Variants in CTNNA2 observed in about 807,000 individuals in gnomAD.
CTNNA2 encodes the protein catenin alpha-2.
CTNNA2 carries 42 observed loss-of-function variants against 101.0 expected under a neutral mutation model. The observed-to-expected ratio is 0.42, with a 90% CI of 0.32 to 0.54. CTNNA2 has a LOEUF of 0.54. CTNNA2 is among the 20% of genes least tolerant of loss of function. The pLI, the probability that CTNNA2 is intolerant of heterozygous loss-of-function variation, is 0.14. For synonymous variants in CTNNA2, 450 were observed against 456.4 expected (o/e 0.99, Z 0.18); for missense variants, 871 against 1,223.1 (o/e 0.71, Z 4.29).
intron 2 of CTNNA2, among the ~76,000 whole-genome samples, chr2:79,208,573 T>TGG (rs1158660906): frequency 2.6e-5 from 4 of 152,200 alleles, no homozygotes; most frequent in African/African-American, 9.6e-5. Flanking sequence ...ACTGGCTGTG[T>TGG]GACTTGAGGT....
At chr2:79,759,277 C>T (rs1278512938) in intron 3 of CTNNA2, among the ~76,000 whole-genome samples, 1 of 152,086 alleles carries the variant, frequency 6.6e-6, no homozygotes, top group African/African-American at 2.4e-5. Flanking sequence ...TCTGTAATCC[C>T]AGCTACTAGA....
intron 4 of CTNNA2, among the ~76,000 whole-genome samples, chr2:79,493,290 G>A (rs1186853618): frequency 6.6e-6 from 1 of 152,108 alleles, no homozygotes; most frequent in Admixed American, 6.6e-5. Flanking sequence ...GATTGAAAAG[G>A]AGACAGTGAA....
chr2:79,354,877 T>G (rs1223242777), intron 3 of CTNNA2, among the ~76,000 whole-genome samples: 1 of 152,198 alleles, frequency 6.6e-6, no homozygotes, highest in Non-Finnish European at 1.5e-5. Flanking sequence ...TCTCTTGATT[T>G]AGAGTGTTTT....
At chr2:79,207,190 C>A (rs923643456) in intron 2 of CTNNA2, among the ~76,000 whole-genome samples, 3 of 152,160 alleles carry the variant, frequency 2.0e-5, no homozygotes, top group Admixed American at 2.0e-4. Context: ...AGAATCTCAG[C>A]ACTATAGCCA....
intron 3 of CTNNA2, among the ~76,000 whole-genome samples, chr2:79,836,066 TTC>T (rs1679344244): frequency 6.6e-6 from 1 of 152,172 alleles, no homozygotes. Context: ...CTCCTGCCAC[TTC>T]TGTCTCACTT....
At chr2:80,199,286 A>ATTTTCTTTTT (rs1353601197) in intron 7 of CTNNA2, among the ~76,000 whole-genome samples, 21 of 151,472 alleles carry the variant, frequency 1.4e-4, no homozygotes, top group African/African-American at 5.1e-4. Context: ...ACTGCCATAT[A>ATTTTCTTTTT]TTTTCAATTG....
rs750876435 is a variant in CTNNA2, at chr2:80,619,239, T to C, written c.2574+11T>C. ...AGTGATTCCTCCATGGTGAGTAAAT[T>C]GACTTTCTAATCTAATGTCTTTCAT... is the stretch of plus-strand genomic sequence containing the variant. On this transcript the variant is annotated intron_variant, in intron 18 of 18. Transcript: ENST00000402739. The C allele has an allele frequency of 9.4e-5, 144 of 1,531,744 alleles. No individual in the cohort carries two copies. Among genetic ancestry groups the C allele is most frequent in the Non-Finnish European group, 1.2e-4 (140 of 1,137,874 alleles). 94.9% of individuals were successfully genotyped at this position (1,531,744 alleles called of 1,614,324 possible).
At chr2:80,314,148 C>T (rs1405190640) in intron 7 of CTNNA2, among the ~76,000 whole-genome samples, 1 of 152,086 alleles carries the variant, frequency 6.6e-6, no homozygotes, top group Non-Finnish European at 1.5e-5. Context: ...ATGCAAATTC[C>T]AGAAAGAAAG....
At chr2:79,916,225 A>C (rs1686192273) in intron 7 of CTNNA2, among the ~76,000 whole-genome samples, 1 of 152,178 alleles carries the variant, frequency 6.6e-6, no homozygotes, top group Admixed American at 6.5e-5. Flanking sequence ...TCGAGATCGA[A>C]TGTTGCCCAT....
chr2:80,475,508 A>G (rs986733699), intron 9 of CTNNA2, among the ~76,000 whole-genome samples: 6 of 152,182 alleles, frequency 3.9e-5, no homozygotes, highest in South Asian at 4.1e-4. Context: ...TACAAATATG[A>G]GGTCAAGTGA....
chr2:79,756,426 A>G (rs1672402485), intron 3 of CTNNA2, among the ~76,000 whole-genome samples: 1 of 152,186 alleles, frequency 6.6e-6, no homozygotes, highest in Non-Finnish European at 1.5e-5. Flanking sequence ...AATAAAGAAA[A>G]CATACATTAT....
At chr2:79,510,155 C>T (rs1671504300), upstream of CTNNA2, among the ~76,000 whole-genome samples, 1 of 152,144 alleles carries the variant, frequency 6.6e-6, no homozygotes, top group African/African-American at 2.4e-5. Flanking sequence ...CATTTGAACA[C>T]AATGCCATAC....
chr2:80,591,976 GCTTTT>G (rs1394795968), intron 15 of CTNNA2, among the ~76,000 whole-genome samples: 1 of 150,878 alleles, frequency 6.6e-6, no homozygotes, highest in African/African-American at 2.5e-5. Context: ...GTGAATGCAT[GCTTTT>G]CTTTTCATGT....
intron 9 of CTNNA2, among the ~76,000 whole-genome samples, chr2:80,479,614 A>G (rs1685994316): frequency 6.6e-6 from 1 of 152,140 alleles, no homozygotes; most frequent in Admixed American, 6.6e-5. Context: ...TCTTGGATCA[A>G]CAGGTGGAAA....
At chr2:80,362,146 A>G (rs745954556) in intron 7 of CTNNA2, among the ~76,000 whole-genome samples, 1 of 152,132 alleles carries the variant, frequency 6.6e-6, no homozygotes, top group Non-Finnish European at 1.5e-5. Flanking sequence ...AAATGAAGTT[A>G]GGTTCCTACC....
intron 1 of CTNNA2, among the ~76,000 whole-genome samples, chr2:79,593,013 T>C (rs1164921468): frequency 1.3e-5 from 2 of 152,224 alleles, no homozygotes; most frequent in African/African-American, 2.4e-5. Flanking sequence ...GTTTTCCGTC[T>C]ATAAAGGAGA....
intron 7 of CTNNA2, among the ~76,000 whole-genome samples, chr2:79,912,986 G>T (rs1037291383): frequency 6.6e-6 from 1 of 152,172 alleles, no homozygotes; most frequent in Non-Finnish European, 1.5e-5. Context: ...CAACAAATGT[G>T]TATTGTCTGC....
chr2:79,871,498 C>T (rs1682576028), intron 5 of CTNNA2, among the ~76,000 whole-genome samples: 2 of 152,020 alleles, frequency 1.3e-5, no homozygotes, highest in Admixed American at 1.3e-4. Context: ...GTTCTGATGT[C>T]CAAAGGCAGG....
At chr2:79,544,969 A>C (rs928348181) in intron 1 of CTNNA2, among the ~76,000 whole-genome samples, 6 of 152,140 alleles carry the variant, frequency 3.9e-5, no homozygotes, top group African/African-American at 1.4e-4. Context: ...TTTTGTTATA[A>C]CCTGAGGGAG....
Sources: gnomAD v4.1 joint callset for allele counts (sites outside exome capture counted in the v4.1 genomes callset) on GRCh38, gnomAD v4.1.1 for gene constraint, MANE v1.5 for transcripts, NCBI Gene and HGNC (gene_info 2026-07-23, HGNC 2026-07-21) for gene names.